The following BLTP3B variants were observed in gnomAD, a reference collection of about 807,000 sequenced individuals.
BLTP3B encodes bridge-like lipid transfer protein family member 3B.
At chr12:100,074,289 A>G in the BLTP3B span, among the ~76,000 whole-genome samples, 1 of 152,106 alleles carries the variant, frequency 6.6e-6, no homozygotes, top group Non-Finnish European at 1.5e-5. Context: ...ACATCTAACC[A>G]AAAGATAAAA....
the BLTP3B span, among the ~76,000 whole-genome samples, chr12:100,054,634 T>C: frequency 5.9e-5 from 9 of 152,178 alleles, no homozygotes; most frequent in Non-Finnish European, 1.3e-4. Context: ...GAATCTAGAA[T>C]AGATTTTCAT....
At chr12:100,124,575 T>G in the BLTP3B span, among the ~76,000 whole-genome samples, 4 of 151,198 alleles carry the variant, frequency 2.6e-5, no homozygotes, top group Non-Finnish European at 5.9e-5. Flanking sequence ...AAACCCCATC[T>G]CTACTAAAAA....
the BLTP3B span, among the ~76,000 whole-genome samples, chr12:100,108,968 T>C: frequency 6.6e-6 from 1 of 152,030 alleles, no homozygotes; most frequent in African/African-American, 2.4e-5. Context: ...AAAATACAAT[T>C]AGGTAGAATG....
At chr12:100,101,398 C>T in the BLTP3B span, among the ~76,000 whole-genome samples, 8 of 152,138 alleles carry the variant, frequency 5.3e-5, no homozygotes, top group African/African-American at 1.2e-4. Flanking sequence ...TGTACACACA[C>T]GAATGCATTC....
chr12:100,045,089 T>G, the BLTP3B span, among the ~76,000 whole-genome samples: 1 of 151,958 alleles, frequency 6.6e-6, no homozygotes. Flanking sequence ...ACTGCTCAAT[T>G]AAATAAAAGA....
At chr12:100,137,505 A>C in the BLTP3B span, among the ~76,000 whole-genome samples, 554 of 152,208 alleles carry the variant, frequency 3.6e-3, 5 homozygotes, top group African/African-American at 0.013. Context: ...TGGGGTAGAG[A>C]CAGAGTTTTC....
the BLTP3B span, among the ~76,000 whole-genome samples, chr12:100,063,943 C>A: frequency 6.6e-6 from 1 of 152,052 alleles, no homozygotes; most frequent in African/African-American, 2.4e-5. Flanking sequence ...GAAGAAATCC[C>A]TGATTTACTT....
chr12:100,080,168 CTG>C, the BLTP3B span, among the ~76,000 whole-genome samples: 14 of 152,298 alleles, frequency 9.2e-5, no homozygotes, highest in African/African-American at 3.1e-4. Context: ...CCTAGTGGAG[CTG>C]TGAGAAGAAG....
chr12:100,051,311 C>G, the BLTP3B span: 1 of 1,163,634 alleles, frequency 8.6e-7, no homozygotes, highest in Non-Finnish European at 1.2e-6. Context: ...ATGGACTATC[C>G]CTTCAACTCT....
chr12:100,097,249 T>A, the BLTP3B span: 1 of 1,063,890 alleles, frequency 9.4e-7, no homozygotes, highest in East Asian at 2.7e-5. Context: ...TATGCCAATA[T>A]TTCACCTAAG....
chr12:100,133,479 G>C, the BLTP3B span, among the ~76,000 whole-genome samples: 1 of 152,116 alleles, frequency 6.6e-6, no homozygotes, highest in African/African-American at 2.4e-5. Context: ...GAGTAGTGTT[G>C]AAAACTGGGT....
At chr12:100,088,862 T>C in the BLTP3B span, 1 of 1,345,220 alleles carries the variant, frequency 7.4e-7, no homozygotes, top group Non-Finnish European at 9.9e-7. Flanking sequence ...AATCCAGTTT[T>C]GTAGTCAATT....
At chr12:100,057,732 T>G in the BLTP3B span, 1 of 1,606,812 alleles carries the variant, frequency 6.2e-7, no homozygotes, top group Non-Finnish European at 8.5e-7. Context: ...TGGGCAACGT[T>G]CCTTAGGCTT....
chr12:100,084,860 C>G, the BLTP3B span, among the ~76,000 whole-genome samples: 5 of 152,226 alleles, frequency 3.3e-5, 1 homozygote, highest in East Asian at 9.6e-4. Flanking sequence ...AGCAAATCAT[C>G]TGGAGGAGTT....
the BLTP3B span, among the ~76,000 whole-genome samples, chr12:100,139,251 G>A: frequency 6.6e-6 from 1 of 152,214 alleles, no homozygotes; most frequent in Non-Finnish European, 1.5e-5. Flanking sequence ...AAATAGTTTA[G>A]CATTGAGTTA....
At chr12:100,134,456 T>A in the BLTP3B span, among the ~76,000 whole-genome samples, 1 of 151,470 alleles carries the variant, frequency 6.6e-6, no homozygotes, top group South Asian at 2.1e-4. Context: ...AAATAAAAAA[T>A]GTAAAAAAAA....
chr12:100,121,360 A>C, the BLTP3B span, among the ~76,000 whole-genome samples: 1 of 131,500 alleles, frequency 7.6e-6, no homozygotes. Context: ...CATGGAAAAA[A>C]AAAAAAAAAA....
chr12:100,118,725 A>T, the BLTP3B span, among the ~76,000 whole-genome samples: 2 of 152,266 alleles, frequency 1.3e-5, no homozygotes, highest in Non-Finnish European at 2.9e-5. Flanking sequence ...TTCTAAGATT[A>T]AAAGCTTATT....
At chr12:100,138,334 T>C in the BLTP3B span, among the ~76,000 whole-genome samples, 1 of 152,342 alleles carries the variant, frequency 6.6e-6, no homozygotes, top group East Asian at 1.9e-4. Context: ...AGCTTTCTGA[T>C]GTTTGCAGGC....
Sources: allele counts gnomAD v4.1 joint callset (sites outside exome capture counted in the v4.1 genomes callset), GRCh38; gene constraint gnomAD v4.1.1; transcripts MANE v1.5; gene names NCBI Gene and HGNC (gene_info 2026-07-23, HGNC 2026-07-21).